The following TMEM154 variants were observed in gnomAD, a reference collection of about 807,000 sequenced individuals.
TMEM154 encodes the protein transmembrane protein 154.
TMEM154 carries 27 observed loss-of-function variants against 24.5 expected under a neutral mutation model. The observed-to-expected ratio is 1.10, with a 90% confidence interval of 0.81 to 1.52. The LOEUF (loss-of-function observed/expected upper bound fraction) is 1.52, where lower values mean the gene tolerates loss of function less well. Ranked by LOEUF, TMEM154 falls within the 40% of genes most tolerant of loss-of-function variation. The pLI is 0.00. For synonymous variants in TMEM154, 67 were observed against 76.8 expected (o/e 0.87, Z 0.67); for missense variants, 228 against 213.4 (o/e 1.07, Z -0.43).
At chr4:152,648,819 C>T (rs1053413482) in intron 3 of TMEM154, among the ~76,000 whole-genome samples, 1 of 152,190 alleles carries the variant, frequency 6.6e-6, no homozygotes, top group African/African-American at 2.4e-5. Context: ...AACATCCCCC[C>T]ACCCCTTGAG....
rs2149775694 is a variant in TMEM154, at chr4:152,625,282, T to A, written c.*3264A>T. 1 of 153,440 alleles carries A rather than the reference T, an allele frequency of 6.5e-6. No homozygotes were observed. 9.5% of individuals were successfully genotyped at this position (153,440 alleles called of 1,614,324 possible). A position where few individuals can be genotyped will look rare whatever the true frequency, so the allele number is the denominator to read the frequency against. Reference sequence around the variant, plus strand: ...GGATCCAGGGGTTGGAACGGAGGAATACTAAAAATGAGACTTGGAACTTGG... The same window carrying A: ...GGATCCAGGGGTTGGAACGGAGGAAAACTAAAAATGAGACTTGGAACTTGG... On this transcript the variant is annotated 3_prime_UTR_variant, in exon 7 of 7. Coordinates refer to ENST00000304385, the MANE Select transcript of TMEM154 (RefSeq NM_152680.3).
chr4:152,633,622 A>G (rs1296356425), intron 6 of TMEM154, among the ~76,000 whole-genome samples: 1 of 152,202 alleles, frequency 6.6e-6, no homozygotes, highest in Admixed American at 6.5e-5. Flanking sequence ...TAACTTAACT[A>G]TGATGGTAAC....
At chr4:152,665,580 C>T (rs1579533551) in intron 1 of TMEM154, among the ~76,000 whole-genome samples, 1 of 152,292 alleles carries the variant, frequency 6.6e-6, no homozygotes, top group East Asian at 1.9e-4. Context: ...TAGAGAGATG[C>T]ATGCCAGGGT....
chr4:152,643,173 G>A lies in TMEM154; in HGVS notation c.393C>T (p.Val131=). 6.3e-7 allele frequency: 1 copy of A among 1,599,876 alleles called. No individual in the cohort carries two copies. ...AGGGTGTATCTTCCTCAAAAATAGG[G>A]CTAGAAATAGAGAGCAAAAGACTTG... The part of the protein sequence containing the change: ...TYELGSENVK[V]PIFEEDTPSV... The change falls in exon 5 of 7, where the codon GTC becomes GTT. Residue 131 remains valine, a splice_region_variant and synonymous_variant. Coordinates refer to ENST00000304385, the MANE Select transcript of TMEM154 (RefSeq NM_152680.3).
intron 3 of TMEM154, among the ~76,000 whole-genome samples, chr4:152,648,934 A>C (rs1728318737): frequency 6.6e-6 from 1 of 152,240 alleles, no homozygotes; most frequent in Non-Finnish European, 1.5e-5. Context: ...TAAGCTTAGA[A>C]AGAAGCCTCC....
At chr4:152,647,427 GA>G (rs1352709991) in intron 3 of TMEM154, 1 of 671,472 alleles carries the variant, frequency 1.5e-6, no homozygotes, top group African/African-American at 2.0e-5. Flanking sequence ...AGCAGTTAGT[GA>G]TCACGTCTGT....
chr4:152,639,035 C>T (rs1352793631), intron 6 of TMEM154, among the ~76,000 whole-genome samples: 1 of 152,118 alleles, frequency 6.6e-6, no homozygotes, highest in African/African-American at 2.4e-5. Flanking sequence ...ACTGCAATCT[C>T]CGCCTTCCCA....
At chr4:152,665,086 T>C (rs1170002861) in intron 1 of TMEM154, among the ~76,000 whole-genome samples, 8 of 152,158 alleles carry the variant, frequency 5.3e-5, no homozygotes, top group Non-Finnish European at 8.8e-5. Flanking sequence ...TACATCAAAA[T>C]ACCTGAGGGT....
chr4:152,677,992 C>G (rs745634072), intron 1 of TMEM154, among the ~76,000 whole-genome samples: 3 of 152,002 alleles, frequency 2.0e-5, no homozygotes, highest in African/African-American at 7.3e-5. Flanking sequence ...GCAGCAGGTA[C>G]GAGTAGAGCT....
chr4:152,628,846 C>T (rs1340527010), intron 6 of TMEM154, among the ~76,000 whole-genome samples: 5 of 150,944 alleles, frequency 3.3e-5, no homozygotes, highest in Non-Finnish European at 4.4e-5. Context: ...GGGGTTTCAC[C>T]ATGTTAGCCA....
In TMEM154 at chr4:152,652,528, T is replaced by C; in HGVS notation, c.364+10A>G. ...CCCCACCTGTAGGCAGGTTTTAGGA[T>C]AATACTCACATGTCTGTAAAGCACT... On this transcript the variant is annotated intron_variant, in intron 3 of 6. Transcript: ENST00000304385. 6.2e-7 allele frequency: 1 copy of C among 1,613,918 alleles called. No homozygotes were observed. Among genetic ancestry groups the C allele is most frequent in the South Asian group, 1.1e-5 (1 of 91,010 alleles).
At chr4:152,669,738 T>C (rs1287295386) in intron 1 of TMEM154, 1 of 152,200 alleles carries the variant, frequency 6.6e-6, no homozygotes, top group Non-Finnish European at 1.5e-5. Flanking sequence ...ATCCCGTTTC[T>C]GAAAATTACA....
intron 4 of TMEM154, 124 bp from the exon 5 acceptor site, chr4:152,643,297 G>C: frequency 1.4e-6 from 1 of 702,656 alleles, no homozygotes; most frequent in Non-Finnish European, 2.4e-6. Context: ...ATGCTCTAGG[G>C]AAGCCTGGGG....
intron 3 of TMEM154, chr4:152,646,883 C>A: frequency 1.4e-6 from 1 of 697,892 alleles, no homozygotes; most frequent in Non-Finnish European, 2.6e-6. Context: ...AGCCAGGCAT[C>A]ATGTAGCCAC....
At chr4:152,653,308 A>G (rs1360266404) in intron 1 of TMEM154, among the ~76,000 whole-genome samples, 1 of 152,234 alleles carries the variant, frequency 6.6e-6, no homozygotes, top group African/African-American at 2.4e-5. Context: ...AAATGTCTGA[A>G]TAAATTTAAA....
At chr4:152,659,174 T>C (rs1728548127) in intron 1 of TMEM154, among the ~76,000 whole-genome samples, 1 of 152,312 alleles carries the variant, frequency 6.6e-6, no homozygotes, top group East Asian at 1.9e-4. Flanking sequence ...TGGAATACTA[T>C]TCAGTCATAA....
At chr4:152,679,262 C>A (rs937149357) in intron 1 of TMEM154, among the ~76,000 whole-genome samples, 1 of 151,174 alleles carries the variant, frequency 6.6e-6, no homozygotes, top group Non-Finnish European at 1.5e-5. Flanking sequence ...AAAAAAAAAT[C>A]TGTAAAAGTA....
At chr4:152,644,749 G>A (rs889075051) in intron 3 of TMEM154, among the ~76,000 whole-genome samples, 4 of 152,162 alleles carry the variant, frequency 2.6e-5, no homozygotes, top group African/African-American at 9.7e-5. Flanking sequence ...GTAAGGAAAG[G>A]CAAGGGAGGG....
chr4:152,638,783 C>T (rs549041393), intron 6 of TMEM154, among the ~76,000 whole-genome samples: 40 of 152,260 alleles, frequency 2.6e-4, no homozygotes, highest in African/African-American at 9.4e-4. Context: ...TCTTGGTTCT[C>T]GAATGCTGGT....
Sources: gnomAD v4.1 joint callset for allele counts (sites outside exome capture counted in the v4.1 genomes callset) on GRCh38, gnomAD v4.1.1 for gene constraint, MANE v1.5 for transcripts, NCBI Gene and HGNC (gene_info 2026-07-23, HGNC 2026-07-21) for gene names.